Variants in PRKACB observed in about 807,000 individuals in gnomAD.
The protein encoded by PRKACB is cAMP-dependent protein kinase catalytic subunit beta.
Under a neutral mutation model 51.4 loss-of-function variants are expected in PRKACB, and 16 were observed. That is an observed-to-expected ratio of 0.31 (90% confidence interval 0.21 to 0.47). The LOEUF (loss-of-function observed/expected upper bound fraction) is 0.47, where lower values mean the gene tolerates loss of function less well. Among genes scored for constraint, PRKACB ranks in the 20% least tolerant of loss-of-function variants. PRKACB has a pLI of 1.00. For synonymous variants in PRKACB, 147 were observed against 154.4 expected (o/e 0.95, Z 0.35); for missense variants, 309 against 464.5 (o/e 0.67, Z 3.08).
chr1:84,179,307 A>C, intron 2 of PRKACB, 69 bp downstream of exon 2: 1 of 1,447,718 alleles, frequency 6.9e-7, no homozygotes, highest in Admixed American at 2.4e-5. Flanking sequence ...CTTGCCTAAG[A>C]AATTTATTAC....
At chr1:84,113,147 G>C (rs1263748210) in intron 1 of PRKACB, among the ~76,000 whole-genome samples, 1 of 152,062 alleles carries the variant, frequency 6.6e-6, no homozygotes, top group Non-Finnish European at 1.5e-5. Flanking sequence ...TTTAAAATGA[G>C]GTACCTTTTT....
intron 1 of PRKACB, among the ~76,000 whole-genome samples, chr1:84,083,537 G>T (rs1304206045): frequency 6.6e-6 from 1 of 152,218 alleles, no homozygotes; most frequent in Non-Finnish European, 1.5e-5. Context: ...GAAGCAGCAC[G>T]TGAGAAGGTC....
intron 1 of PRKACB, among the ~76,000 whole-genome samples, chr1:84,134,090 C>T (rs1006882751): frequency 6.6e-6 from 1 of 152,152 alleles, no homozygotes; most frequent in Non-Finnish European, 1.5e-5. Context: ...TCTGGCTAGA[C>T]TCTTCTCCAA....
intron 1 of PRKACB, among the ~76,000 whole-genome samples, chr1:84,124,680 G>C (rs1399938453): frequency 6.6e-6 from 1 of 152,184 alleles, no homozygotes; most frequent in African/African-American, 2.4e-5. Flanking sequence ...GTTCTCATGT[G>C]AGTGAAAGGA....
At chr1:84,227,836 C>G (rs966682066) in intron 9 of PRKACB, among the ~76,000 whole-genome samples, 2 of 152,260 alleles carry the variant, frequency 1.3e-5, no homozygotes, top group African/African-American at 4.8e-5. Flanking sequence ...TATAACTATG[C>G]ACAGCAGTGC....
chr1:84,106,211 A>G (rs1370542803), intron 1 of PRKACB, among the ~76,000 whole-genome samples: 2 of 152,098 alleles, frequency 1.3e-5, no homozygotes, highest in Non-Finnish European at 2.9e-5. Flanking sequence ...GTTTAAAAGT[A>G]TATGGGTGAG....
At chr1:84,102,301 C>T (rs990553045) in intron 1 of PRKACB, among the ~76,000 whole-genome samples, 5 of 151,896 alleles carry the variant, frequency 3.3e-5, no homozygotes, top group Admixed American at 2.6e-4. Context: ...GTAGGAGAAT[C>T]GCTTGAATCT....
At chr1:84,101,184 A>G (rs546325820) in intron 1 of PRKACB, among the ~76,000 whole-genome samples, 1 of 152,200 alleles carries the variant, frequency 6.6e-6, no homozygotes, top group African/African-American at 2.4e-5. Flanking sequence ...GCAATCTGCA[A>G]TGAAGGGCAA....
At chr1:84,134,766 AC>A (rs1271470025) in intron 1 of PRKACB, among the ~76,000 whole-genome samples, 2 of 152,174 alleles carry the variant, frequency 1.3e-5, no homozygotes, top group African/African-American at 4.8e-5. Context: ...AATGGTGTAA[AC>A]ATCCATTAAA....
chr1:84,222,682 G>A (rs781534235), intron 9 of PRKACB, among the ~76,000 whole-genome samples: 1 of 152,156 alleles, frequency 6.6e-6, no homozygotes, highest in Non-Finnish European at 1.5e-5. Context: ...ATTTCCTGTA[G>A]GGCTGCTGTA....
intron 4 of PRKACB, among the ~76,000 whole-genome samples, chr1:84,184,518 G>A (rs1330173067): frequency 6.6e-6 from 1 of 151,644 alleles, no homozygotes. Context: ...TTGAGTTCTA[G>A]TCTTTTCACT....
chr1:84,113,110 A>T (rs1650365800), intron 1 of PRKACB, among the ~76,000 whole-genome samples: 1 of 152,218 alleles, frequency 6.6e-6, no homozygotes, highest in South Asian at 2.1e-4. Flanking sequence ...AAAATATTTT[A>T]TTTCACTAGT....
chr1:84,120,597 A>G (rs1398498402), intron 1 of PRKACB, among the ~76,000 whole-genome samples: 1 of 152,126 alleles, frequency 6.6e-6, no homozygotes, highest in African/African-American at 2.4e-5. Context: ...AAAGCATTTT[A>G]GGAATTTCTT....
At chr1:84,202,075 G>C (rs187626756) in intron 7 of PRKACB, among the ~76,000 whole-genome samples, 1 of 151,990 alleles carries the variant, frequency 6.6e-6, no homozygotes, top group African/African-American at 2.4e-5. Context: ...CAAGACAGTA[G>C]ATAGCAGAAG....
chr1:84,162,424 T>C (rs936930965), intron 1 of PRKACB, among the ~76,000 whole-genome samples: 1 of 152,008 alleles, frequency 6.6e-6, no homozygotes, highest in Admixed American at 6.6e-5. Flanking sequence ...ATGAGATATA[T>C]GTTGGTTCCC....
intron 1 of PRKACB, among the ~76,000 whole-genome samples, chr1:84,085,559 G>A (rs1355471352): frequency 1.3e-5 from 2 of 152,164 alleles, no homozygotes; most frequent in Non-Finnish European, 2.9e-5. Context: ...ATCATAAAAA[G>A]TGCTCACAAA....
intron 1 of PRKACB, among the ~76,000 whole-genome samples, chr1:84,110,668 G>A (rs1044061164): frequency 7.9e-5 from 12 of 151,824 alleles, no homozygotes; most frequent in African/African-American, 2.4e-4. Flanking sequence ...CTAATCTATA[G>A]TGTTTTCCCC....
At chr1:84,111,338 T>A (rs548585013) in intron 1 of PRKACB, among the ~76,000 whole-genome samples, 1 of 152,254 alleles carries the variant, frequency 6.6e-6, no homozygotes, top group South Asian at 2.1e-4. Flanking sequence ...TGAGTCTTTC[T>A]GTACTGCTAG....
chr1:84,099,725 A>G (rs1388812677), intron 1 of PRKACB, among the ~76,000 whole-genome samples: 2 of 152,046 alleles, frequency 1.3e-5, no homozygotes, highest in Non-Finnish European at 2.9e-5. Context: ...GAGGATTTGT[A>G]TCATAATTCA....
Sources: allele counts gnomAD v4.1 joint callset (sites outside exome capture counted in the v4.1 genomes callset), GRCh38; gene constraint gnomAD v4.1.1; transcripts MANE v1.5; gene names NCBI Gene and HGNC (gene_info 2026-07-23, HGNC 2026-07-21).